Variants in F2R observed in about 807,000 individuals in gnomAD.
F2R encodes proteinase-activated receptor 1.
In F2R, 12 loss-of-function variants were observed where a neutral mutation model predicts 18.3. The ratio of observed to expected loss-of-function variants is 0.66; its 90% CI spans 0.42 to 1.06. The LOEUF (loss-of-function observed/expected upper bound fraction) is 1.06, where lower values mean the gene tolerates loss of function less well. F2R is among the 50% of genes least tolerant of loss of function. The probability of loss-of-function intolerance (pLI) is 0.00; values close to 1 mark genes in which losing one functional copy is unlikely to be tolerated. For synonymous variants in F2R, 210 were observed against 219.9 expected (o/e 0.95, Z 0.40); for missense variants, 438 against 530.8 (o/e 0.83, Z 1.72).
At chr5:76,731,247 T>C (rs1217810786) in intron 1 of F2R, among the ~76,000 whole-genome samples, 1 of 152,226 alleles carries the variant, frequency 6.6e-6, no homozygotes, top group Non-Finnish European at 1.5e-5. Flanking sequence ...AGAGGAAAAC[T>C]ACTGTCATGG....
At chr5:76,719,368 T>C (rs2227756) in intron 1 of F2R, among the ~76,000 whole-genome samples, 135 of 152,206 alleles carry the variant, frequency 8.9e-4, no homozygotes, top group African/African-American at 2.9e-3. Context: ...AGCAGGGGGA[T>C]CACTTGAGGC....
At chr5:76,727,617 C>CT (rs1261571804) in intron 1 of F2R, among the ~76,000 whole-genome samples, 1 of 152,136 alleles carries the variant, frequency 6.6e-6, no homozygotes, top group African/African-American at 2.4e-5. Context: ...GCTCTGCTGT[C>CT]TCTGAGTTGG....
chr5:76,727,506 C>T (rs1748585861), intron 1 of F2R, among the ~76,000 whole-genome samples: 1 of 152,190 alleles, frequency 6.6e-6, no homozygotes, highest in African/African-American at 2.4e-5. Context: ...TTCATTCCTT[C>T]CCTGTGACAG....
intron 1 of F2R, among the ~76,000 whole-genome samples, chr5:76,729,007 T>C (rs1416681369): frequency 6.6e-6 from 1 of 152,202 alleles, no homozygotes; most frequent in African/African-American, 2.4e-5. Context: ...CTAATTTTAT[T>C]TCCTTTGGAT....
rs1286533151 is a variant in F2R at position 76,734,721 on chromosome 5, A to G, written c.*1218A>G. On this transcript the variant is annotated 3_prime_UTR_variant, in exon 2 of 2. Transcript: ENST00000319211. ...CATGCATAGAGTGTGATGTATGTGT[A>G]ATAAATATGTTTCACACAAACAAGG... 2.0e-5 allele frequency: 3 copies of G among 152,378 alleles called. No individual in the cohort carries two copies. The highest frequency in any genetic ancestry group is 7.2e-5 in the African/African-American group (3 of 41,476). 9.4% of individuals were successfully genotyped at this position (152,378 alleles called of 1,614,324 possible).
intron 1 of F2R, among the ~76,000 whole-genome samples, chr5:76,732,087 G>A (rs1561631192): frequency 6.6e-6 from 1 of 152,082 alleles, no homozygotes; most frequent in African/African-American, 2.4e-5. Context: ...TTGTCCCTTT[G>A]AGGGGCAGAG....
At position 76,732,518 on chromosome 5, in the gene F2R, G is replaced by T; in HGVS notation, c.293G>T (p.Ser98Ile). 6.2e-7 allele frequency: 1 copy of T among 1,614,150 alleles called. No individual in the cohort carries two copies. Among genetic ancestry groups the T allele is most frequent in the Non-Finnish European group, 8.5e-7 (1 of 1,180,026 alleles). ...GAAGATGCCTCCGGATATTTGACCA[G>T]CTCCTGGCTGACACTCTTTGTCCCA... ...ISEDASGYLT[S>I]SWLTLFVPSV... The change falls in exon 2 of 2, where the codon AGC becomes ATC. Residue 98 changes from serine to isoleucine, a missense_variant. By Grantham distance (142) the Ser-to-Ile change is moderately radical (BLOSUM62 -2). Transcript: ENST00000319211.
intron 1 of F2R, among the ~76,000 whole-genome samples, chr5:76,721,852 T>C (rs1256527366): frequency 6.6e-6 from 1 of 150,422 alleles, no homozygotes; most frequent in Non-Finnish European, 1.5e-5. Context: ...TGCTCACCTT[T>C]ACTGCATTGT....
At chr5:76,719,853 G>A (rs2227761) in intron 1 of F2R, among the ~76,000 whole-genome samples, 11 of 152,274 alleles carry the variant, frequency 7.2e-5, no homozygotes, top group African/African-American at 2.6e-4. Context: ...ATTTATGCAC[G>A]GACTGTGGTA....
At chr5:76,718,457 T>C (rs1748383771) in intron 1 of F2R, among the ~76,000 whole-genome samples, 1 of 152,226 alleles carries the variant, frequency 6.6e-6, no homozygotes, top group Non-Finnish European at 1.5e-5. Context: ...GAGTTTATTG[T>C]CCAGGATTAC....
chr5:76,731,345 G>T (rs1044269368), intron 1 of F2R, among the ~76,000 whole-genome samples: 1 of 151,866 alleles, frequency 6.6e-6, no homozygotes, highest in African/African-American at 2.4e-5. Flanking sequence ...CTGGTGGCAC[G>T]TGCCTGTAAT....
intron 1 of F2R, among the ~76,000 whole-genome samples, chr5:76,728,826 G>A (rs781410322): frequency 6.6e-6 from 1 of 151,944 alleles, no homozygotes; most frequent in Admixed American, 6.6e-5. Context: ...GAGGAGCTGG[G>A]ATTATAGGTA....
chr5:76,733,230 G>A lies in F2R; in HGVS notation c.1005G>A (p.Ala335=). The part of the protein sequence containing the change: ...CFGPTNVLLI[A]HYSFLSHTST... ...GACCCACAAACGTCCTCCTGATTGC[G>A]CATTACTCATTCCTTTCTCACACTT... The change falls in exon 2 of 2, where the codon GCG becomes GCA. Residue 335 remains alanine, a synonymous_variant. Coordinates refer to ENST00000319211, the MANE Select transcript of F2R (RefSeq NM_001992.5). 2 of 1,614,094 alleles carry A rather than the reference G, an allele frequency of 1.2e-6. No homozygotes were observed. Among genetic ancestry groups the A allele is most frequent in the Non-Finnish European group, 8.5e-7 (1 of 1,180,048 alleles).
At position 76,716,411 on chromosome 5, in the gene F2R, G is replaced by A; in HGVS notation, c.88+16G>A. The A allele has an allele frequency of 1.4e-6, 2 of 1,429,796 alleles. No individual in the cohort carries two copies. The highest frequency in any genetic ancestry group is 2.8e-5 in the Admixed American group (1 of 35,360). The allele number at this position is 1,429,796 out of a possible 1,614,324, so 88.6% of individuals were successfully genotyped here. A position where few individuals can be genotyped will look rare whatever the true frequency, so the allele number is the denominator to read the frequency against. On this transcript the variant is annotated intron_variant, in intron 1 of 1. Coordinates refer to ENST00000319211, the MANE Select transcript of F2R (RefSeq NM_001992.5). ...CGCAGGCCAGGTGAGAGATGCACGG[G>A]AATGGGGTGCGCGGGCGGAGGGACG...
chr5:76,719,168 C>T (rs879377207), intron 1 of F2R, among the ~76,000 whole-genome samples: 13 of 152,254 alleles, frequency 8.5e-5, no homozygotes, highest in Non-Finnish European at 1.8e-4. Context: ...CTACAGCTGA[C>T]ATCCTTCTTA....
chr5:76,724,755 C>G (rs547694098), intron 1 of F2R, among the ~76,000 whole-genome samples: 74 of 152,326 alleles, frequency 4.9e-4, no homozygotes, highest in Admixed American at 8.5e-4. Context: ...GAGATTGACT[C>G]CAGCGTCTTT....
chr5:76,724,668 A>G (rs892414299), intron 1 of F2R, among the ~76,000 whole-genome samples: 1 of 152,212 alleles, frequency 6.6e-6, no homozygotes, highest in African/African-American at 2.4e-5. Flanking sequence ...AAATGTTTCA[A>G]TTCATTTCCA....
chr5:76,727,763 C>CTT (rs201845492), intron 1 of F2R, among the ~76,000 whole-genome samples: 24 of 122,862 alleles, frequency 2.0e-4, no homozygotes, highest in Admixed American at 4.0e-4. Context: ...AAATATTTTT[C>CTT]TTTTTTTTTT....
intron 1 of F2R, chr5:76,716,688 C>T (rs1171053938): frequency 1.4e-5 from 10 of 738,538 alleles, no homozygotes; most frequent in African/African-American, 8.7e-5. Context: ...AGCCTGCAGT[C>T]CTGCGTTGCA....
Sources: allele counts gnomAD v4.1 joint callset (sites outside exome capture counted in the v4.1 genomes callset), GRCh38; gene constraint gnomAD v4.1.1; transcripts MANE v1.5; gene names NCBI Gene and HGNC (gene_info 2026-07-23, HGNC 2026-07-21).